COL5A2: variants seen among roughly 807,000 people sequenced by gnomAD.
COL5A2 encodes collagen type V alpha 2 chain.
In COL5A2, 23 loss-of-function variants were observed where a neutral mutation model predicts 208.2. The observed-to-expected ratio is 0.11, with a 90% CI of 0.08 to 0.16. The LOEUF (loss-of-function observed/expected upper bound fraction) is 0.16. COL5A2 is among the 10% of genes least tolerant of loss of function. The probability of loss-of-function intolerance (pLI) is 1.00; values close to 1 mark genes in which losing one functional copy is unlikely to be tolerated. For synonymous variants in COL5A2, 625 were observed against 628.5 expected (o/e 0.99, Z 0.08); for missense variants, 1,590 against 1,956.4 (o/e 0.81, Z 3.53).
chr2:189,311,421 T>G, the COL5A2 span: 1 of 1,124,326 alleles, frequency 8.9e-7, no homozygotes, highest in Non-Finnish European at 1.3e-6. Flanking sequence ...CGGTAGGTGG[T>G]GATCTCAGCC....
At chr2:189,103,556 A>G (rs1250374025) in intron 3 of COL5A2, among the ~76,000 whole-genome samples, 1 of 152,070 alleles carries the variant, frequency 6.6e-6, no homozygotes, top group Non-Finnish European at 1.5e-5. Context: ...TTTTCAAGAT[A>G]ACCAAAAAAC....
At chr2:189,126,589 G>T (rs1340705271) in intron 1 of COL5A2, among the ~76,000 whole-genome samples, 1 of 152,008 alleles carries the variant, frequency 6.6e-6, no homozygotes, top group East Asian at 1.9e-4. Context: ...AATAAATTAG[G>T]CTTTTTAGTA....
chr2:189,387,490 G>C, the COL5A2 span, among the ~76,000 whole-genome samples: 1 of 152,074 alleles, frequency 6.6e-6, no homozygotes, highest in East Asian at 1.9e-4. Context: ...GGGAAAAAAA[G>C]AAATAGCCAC....
At chr2:189,114,646 A>T (rs1279053809) in intron 1 of COL5A2, among the ~76,000 whole-genome samples, 3 of 151,232 alleles carry the variant, frequency 2.0e-5, no homozygotes, top group African/African-American at 7.3e-5. Context: ...AAAAAAAAAA[A>T]AAATGTTTCT....
intron 1 of COL5A2, among the ~76,000 whole-genome samples, chr2:189,208,380 G>T (rs893886772): frequency 6.6e-6 from 1 of 152,178 alleles, no homozygotes; most frequent in African/African-American, 2.4e-5. Flanking sequence ...AGAGGAACAG[G>T]TCATTAATTT....
At chr2:189,346,721 A>G in the COL5A2 span, among the ~76,000 whole-genome samples, 1 of 152,200 alleles carries the variant, frequency 6.6e-6, no homozygotes, top group African/African-American at 2.4e-5. Flanking sequence ...TTGAATAAGT[A>G]AAGTCACATA....
At chr2:189,253,509 T>A in the COL5A2 span, among the ~76,000 whole-genome samples, 138,277 of 152,280 alleles carry the variant, frequency 0.91, 63,354 homozygotes, top group East Asian at 1. Context: ...GTCAGAAGCA[T>A]CATTTCCTCC....
intron 4 of COL5A2, 27 bp downstream of exon 4, chr2:189,100,080 G>A (rs1687017267): frequency 6.4e-7 from 1 of 1,572,592 alleles, no homozygotes; most frequent in African/African-American, 1.3e-5. Flanking sequence ...TAAGGTACAA[G>A]GAAACAATGA....
chr2:189,289,917 T>C, the COL5A2 span, among the ~76,000 whole-genome samples: 1 of 152,204 alleles, frequency 6.6e-6, no homozygotes, highest in African/African-American at 2.4e-5. Context: ...CAAAGTGATC[T>C]ACAGATTCAA....
the COL5A2 span, among the ~76,000 whole-genome samples, chr2:189,252,574 G>GA: frequency 6.6e-6 from 1 of 151,880 alleles, no homozygotes; most frequent in Non-Finnish European, 1.5e-5. Context: ...AGAACACTTG[G>GA]ACACAGGAAG....
intron 1 of COL5A2, among the ~76,000 whole-genome samples, chr2:189,137,260 A>C (rs1453627453): frequency 1.3e-5 from 2 of 152,214 alleles, no homozygotes; most frequent in Non-Finnish European, 2.9e-5. Flanking sequence ...TTATCACAGA[A>C]AATGAAGTCC....
rs1169400180 is a variant in COL5A2, at chr2:189,143,567, C to T, written c.98-33118G>A. Among the ~76,000 whole-genome samples, 10 of 152,096 alleles carry T rather than the reference C, an allele frequency of 6.6e-5. No individual in the cohort carries two copies. In the South Asian group the frequency reaches 1.0e-3, roughly 16 times the overall value. On this transcript the variant is annotated intron_variant, in intron 1 of 53. Transcript: ENST00000374866. Reference sequence around the variant, plus strand: ...TGATGGCATTAATGAAGTATTAATTCGACAACTAGGTTCTAAATATCCATT... The same window carrying T: ...TGATGGCATTAATGAAGTATTAATTTGACAACTAGGTTCTAAATATCCATT...
the COL5A2 span, among the ~76,000 whole-genome samples, chr2:189,263,927 T>C: frequency 6.6e-6 from 1 of 152,104 alleles, no homozygotes; most frequent in East Asian, 1.9e-4. Flanking sequence ...ATAACTATAC[T>C]TTCAAGTTCA....
At chr2:189,034,311 C>T (rs1269262586) in intron 53 of COL5A2, 95 bp from the exon 54 acceptor site, 1 of 1,349,984 alleles carries the variant, frequency 7.4e-7, no homozygotes, top group Non-Finnish European at 1.0e-6. Flanking sequence ...AATGTAAAGG[C>T]AATGATTTTT....
At chr2:189,099,615 ACT>A (rs1338234111) in intron 4 of COL5A2, among the ~76,000 whole-genome samples, 1 of 152,058 alleles carries the variant, frequency 6.6e-6, no homozygotes, top group Admixed American at 6.6e-5. Context: ...ACAGAGCGAG[ACT>A]CTGTTTCAAA....
intron 45 of COL5A2, among the ~76,000 whole-genome samples, chr2:189,047,963 T>G (rs1457090948): frequency 1.3e-5 from 2 of 152,238 alleles, no homozygotes; most frequent in African/African-American, 4.8e-5. Flanking sequence ...AAAGCCTTTA[T>G]GTTAAACCAA....
intron 1 of COL5A2, among the ~76,000 whole-genome samples, chr2:189,116,238 G>T (rs570534125): frequency 6.6e-6 from 1 of 152,132 alleles, no homozygotes; most frequent in African/African-American, 2.4e-5. Context: ...TAATAAAGCC[G>T]CCCACGTGTC....
the COL5A2 span, among the ~76,000 whole-genome samples, chr2:189,235,109 T>C: frequency 6.6e-6 from 1 of 151,752 alleles, no homozygotes; most frequent in Non-Finnish European, 1.5e-5. Flanking sequence ...GCATGTCACA[T>C]ATATCAATTT....
chr2:189,402,377 C>T, the COL5A2 span, among the ~76,000 whole-genome samples: 1 of 152,134 alleles, frequency 6.6e-6, no homozygotes, highest in Non-Finnish European at 1.5e-5. Context: ...GCCACCACAC[C>T]CAGTTAATTT....
Sources: allele counts gnomAD v4.1 joint callset (sites outside exome capture counted in the v4.1 genomes callset), GRCh38; gene constraint gnomAD v4.1.1; transcripts MANE v1.5; gene names NCBI Gene and HGNC (gene_info 2026-07-23, HGNC 2026-07-21).